NLRP14: variants seen among roughly 807,000 people sequenced by gnomAD.
NLRP14 encodes NLR family pyrin domain containing 14.
A neutral mutation model predicts 94.7 loss-of-function variants in NLRP14; 105 were observed. The observed-to-expected ratio is 1.11, with a 90% CI of 0.95 to 1.30. The LOEUF (loss-of-function observed/expected upper bound fraction) is 1.30, where lower values mean the gene tolerates loss of function less well. NLRP14 is among the 50% of genes most tolerant of loss of function. NLRP14 has a pLI of 0.00. For missense variants in NLRP14, 1,362 were observed against 1,254.1 expected (o/e 1.09, Z -1.30); for synonymous variants, 508 against 459.9 (o/e 1.10, Z -1.34).
At chr11:7,070,543 C>A (rs1273403300) in intron 11 of NLRP14, 87 bp downstream of exon 11, 4 of 843,678 alleles carry the variant, frequency 4.7e-6, no homozygotes, top group South Asian at 2.9e-5. Flanking sequence ...TCAGAATCCA[C>A]CTAATTGTGT....
chr11:7,058,269 TTC>T lies in NLRP14; in HGVS notation c.2463-7_2463-6del, dbSNP rs773429129. On this transcript the variant is annotated splice_polypyrimidine_tract_variant and intron_variant, in intron 7 of 11. Transcript: ENST00000299481. The stretch of plus-strand genomic sequence containing the variant: ...AATTGACAGATCTCTTCTCATCTCT[TTC>T]TCTTTCAGCTTAGAAAGCTGTGGTC... 2 of 1,610,856 alleles carry T rather than the reference TTC, an allele frequency of 1.2e-6. No individual in the cohort carries two copies. The highest frequency in any genetic ancestry group is 2.2e-5 in the South Asian group (2 of 91,018).
rs373833399 is a variant in NLRP14 at position 7,062,359 on chromosome 11, C to T, written c.2831C>T (p.Ala944Val). The T allele has an allele frequency of 8.1e-6, 13 of 1,612,886 alleles. No individual in the cohort carries two copies. In the African/African-American group the frequency reaches 9.3e-5, roughly 12 times the overall value. The change falls in exon 10 of 12, where the codon GCA becomes GTA. Residue 944 changes from alanine (A) to valine (V), a missense_variant. Coordinates refer to ENST00000299481, the MANE Select transcript of NLRP14 (RefSeq NM_176822.4). Reference sequence around the variant, plus strand: ...TTGATGGGCTGTGTTCTCACTAATGCATGTTGTCTGGATCTGGCTTCTGTT... The same window carrying T: ...TTGATGGGCTGTGTTCTCACTAATGTATGTTGTCTGGATCTGGCTTCTGTT... ...LELMGCVLTN[A>V]CCLDLASVIL...
intron 2 of NLRP14, among the ~76,000 whole-genome samples, chr11:7,039,488 G>GGT (rs1340315752): frequency 1.3e-5 from 2 of 152,090 alleles, no homozygotes; most frequent in Admixed American, 1.3e-4. Context: ...GGAGCTACAA[G>GGT]GTGGGGGCCA....
Position 7,042,850 on chromosome 11 carries a change from T to A in NLRP14, c.824T>A (p.Leu275Gln). 1 of 1,614,218 alleles carries A rather than the reference T, an allele frequency of 6.2e-7. No homozygotes were observed. Among genetic ancestry groups the A allele is most frequent in the Non-Finnish European group, 8.5e-7 (1 of 1,180,036 alleles). ...NFAFEEPEFA[L>Q]CEDWTQEHPV... ...GCCTTTGAAGAACCTGAGTTTGCAC[T>A]GTGCGAAGACTGGACCCAAGAACAC... Residue 275 changes from leucine (L) to glutamine (Q), a missense_variant, in exon 4 of 12, where the codon CTG (leucine) becomes CAG (glutamine). Leu to Gln is a moderately radical substitution (Grantham distance 113, BLOSUM62 -2). Transcript: ENST00000299481.
the NLRP14 span, chr11:7,090,076 A>G: frequency 6.2e-7 from 1 of 1,611,864 alleles, no homozygotes. Context: ...CCCGATGCCT[A>G]CAGCGGCGGC....
chr11:7,049,597 T>C (rs1485523512), intron 5 of NLRP14, 74 bp from the exon 6 acceptor site: 6 of 1,034,836 alleles, frequency 5.8e-6, no homozygotes, highest in African/African-American at 1.6e-5. Context: ...AAGAATTAGA[T>C]TGAAAAGAAA....
chr11:7,041,390 T>C (rs1852246489), intron 3 of NLRP14, among the ~76,000 whole-genome samples: 1 of 152,194 alleles, frequency 6.6e-6, no homozygotes, highest in Non-Finnish European at 1.5e-5. Context: ...TATTGGTGTA[T>C]ATGGTACATG....
At chr11:7,077,667 GA>G in the NLRP14 span, among the ~76,000 whole-genome samples, 1 of 152,252 alleles carries the variant, frequency 6.6e-6, no homozygotes, top group African/African-American at 2.4e-5. Context: ...GGCAGAAGGT[GA>G]AAGGCACGTC....
At chr11:7,052,595 C>T (rs941620305) in intron 6 of NLRP14, among the ~76,000 whole-genome samples, 1 of 152,138 alleles carries the variant, frequency 6.6e-6, no homozygotes. Flanking sequence ...GATGGCGCCA[C>T]TGCACTCCAG....
chr11:7,044,211 G>C (rs997305639), intron 4 of NLRP14, among the ~76,000 whole-genome samples: 2 of 152,164 alleles, frequency 1.3e-5, no homozygotes, highest in African/African-American at 4.8e-5. Flanking sequence ...TGGCCTGAAG[G>C]CAATACCAGG....
chr11:7,025,838 T>A (rs1852008017), intron 1 of NLRP14, among the ~76,000 whole-genome samples: 1 of 152,140 alleles, frequency 6.6e-6, no homozygotes, highest in Non-Finnish European at 1.5e-5. Flanking sequence ...ATTTGAGTAC[T>A]TGATTAAAAA....
rs753418652 is a variant in NLRP14, at chr11:7,071,360, A to G, written c.*52A>G. 2.7e-6 allele frequency: 4 copies of G among 1,467,824 alleles called. No homozygotes were observed. Among genetic ancestry groups the G allele is most frequent in the East Asian group, 4.9e-5 (2 of 40,556 alleles). The allele number at this position is 1,467,824 out of a possible 1,614,324, so 90.9% of individuals were successfully genotyped here. ...AATATAAATATAAATACATACATACATAGATATATACCCAGACTTGGGTGC... is the reference window on the plus strand; with the variant it reads ...AATATAAATATAAATACATACATACGTAGATATATACCCAGACTTGGGTGC... On this transcript the variant is annotated 3_prime_UTR_variant, in exon 12 of 12. Transcript: ENST00000299481.
chr11:7,030,901 A>G (rs1421431682), intron 1 of NLRP14, among the ~76,000 whole-genome samples: 1 of 152,146 alleles, frequency 6.6e-6, no homozygotes, highest in African/African-American at 2.4e-5. Context: ...AGGGGATCCT[A>G]TATTGAACAC....
the NLRP14 span, among the ~76,000 whole-genome samples, chr11:7,083,222 G>C: frequency 6.6e-6 from 1 of 152,308 alleles, no homozygotes; most frequent in East Asian, 1.9e-4. Flanking sequence ...GCACACATTT[G>C]CAAAGGCATG....
chr11:7,089,358 A>G, the NLRP14 span: 1 of 1,606,504 alleles, frequency 6.2e-7, no homozygotes, highest in Non-Finnish European at 8.5e-7. Flanking sequence ...TAAGGCCATC[A>G]AGGTGGCCCA....
chr11:7,055,715 G>A (rs976164835), intron 6 of NLRP14, among the ~76,000 whole-genome samples: 2 of 152,066 alleles, frequency 1.3e-5, no homozygotes, highest in Admixed American at 6.6e-5. Context: ...GCTTATTCTA[G>A]GTAGATGGAA....
chr11:7,063,325 A>G (rs868728792), intron 10 of NLRP14, among the ~76,000 whole-genome samples: 3 of 152,110 alleles, frequency 2.0e-5, no homozygotes, highest in Non-Finnish European at 4.4e-5. Flanking sequence ...GAGCAAGAGC[A>G]TGAGTATTAG....
the NLRP14 span, chr11:7,089,028 T>C: frequency 6.9e-7 from 1 of 1,448,924 alleles, no homozygotes. Flanking sequence ...GCCTGACCAG[T>C]AGGAGCCGCC....
chr11:7,061,542 A>G (rs768922856), intron 9 of NLRP14, among the ~76,000 whole-genome samples: 2 of 152,070 alleles, frequency 1.3e-5, no homozygotes, highest in Non-Finnish European at 2.9e-5. Context: ...GAGGGAACTA[A>G]AAGTCATTAA....
Sources: gnomAD v4.1 joint callset for allele counts (sites outside exome capture counted in the v4.1 genomes callset) on GRCh38, gnomAD v4.1.1 for gene constraint, MANE v1.5 for transcripts, NCBI Gene and HGNC (gene_info 2026-07-23, HGNC 2026-07-21) for gene names.